CNTNAP2: variants seen among roughly 807,000 people sequenced by gnomAD.
The protein encoded by CNTNAP2 is contactin associated protein 2.
Under a neutral mutation model 155.2 loss-of-function variants are expected in CNTNAP2, and 98 were observed. The observed-to-expected ratio is 0.63, with a 90% CI of 0.54 to 0.75. The LOEUF (loss-of-function observed/expected upper bound fraction) is 0.75, where lower values mean the gene tolerates loss of function less well. Ranked by LOEUF, CNTNAP2 falls within the 30% of genes least tolerant of loss-of-function variation. The pLI is 0.00. For synonymous variants in CNTNAP2, 651 were observed against 631.2 expected (o/e 1.03, Z -0.47); for missense variants, 1,727 against 1,688.1 (o/e 1.02, Z -0.40).
intron 15 of CNTNAP2, among the ~76,000 whole-genome samples, chr7:148,085,535 C>A (rs948378095): frequency 2.0e-5 from 3 of 151,990 alleles, no homozygotes; most frequent in African/African-American, 7.3e-5. Context: ...TAAAAGAATA[C>A]CCGTGTTTTT....
chr7:148,064,157 G>A (rs190298133), intron 15 of CNTNAP2, among the ~76,000 whole-genome samples: 11 of 152,136 alleles, frequency 7.2e-5, no homozygotes, highest in Non-Finnish European at 1.0e-4. Flanking sequence ...TTGAAGTCAC[G>A]TAATGTAATG....
intron 4 of CNTNAP2, among the ~76,000 whole-genome samples, chr7:147,071,665 T>C (rs1799894682): frequency 1.3e-5 from 2 of 152,070 alleles, no homozygotes; most frequent in Non-Finnish European, 2.9e-5. Context: ...ATCTGTAAAA[T>C]GAGTAAGAGT....
At chr7:146,905,121 A>G (rs1322478938) in intron 3 of CNTNAP2, among the ~76,000 whole-genome samples, 1 of 152,066 alleles carries the variant, frequency 6.6e-6, no homozygotes, top group Non-Finnish European at 1.5e-5. Flanking sequence ...AGATACTAGT[A>G]ACAATGCCTA....
chr7:146,623,023 A>G (rs1799356938), intron 1 of CNTNAP2, among the ~76,000 whole-genome samples: 1 of 152,040 alleles, frequency 6.6e-6, no homozygotes, highest in African/African-American at 2.4e-5. Flanking sequence ...CATCAATTTA[A>G]TTACTTGTTA....
intron 21 of CNTNAP2, among the ~76,000 whole-genome samples, chr7:148,317,362 A>G (rs1285602395): frequency 6.6e-6 from 1 of 152,068 alleles, no homozygotes; most frequent in Non-Finnish European, 1.5e-5. Flanking sequence ...TCTCAAAAAA[A>G]AAAAATTCAT....
intron 14 of CNTNAP2, among the ~76,000 whole-genome samples, chr7:147,918,180 C>A (rs917310643): frequency 6.6e-6 from 1 of 152,190 alleles, no homozygotes; most frequent in Non-Finnish European, 1.5e-5. Flanking sequence ...TCTCAAATTA[C>A]AAGCTTCAGG....
intron 3 of CNTNAP2, among the ~76,000 whole-genome samples, chr7:146,929,835 A>G (rs1796706739): frequency 6.6e-6 from 1 of 152,242 alleles, no homozygotes; most frequent in Non-Finnish European, 1.5e-5. Context: ...AAGAAAGGGT[A>G]TCAGTGATGG....
intron 1 of CNTNAP2, among the ~76,000 whole-genome samples, chr7:146,749,855 G>A (rs1206360466): frequency 6.6e-6 from 1 of 152,154 alleles, no homozygotes; most frequent in Non-Finnish European, 1.5e-5. Flanking sequence ...GAGCCTTGGG[G>A]TTAGAACTTT....
chr7:147,542,313 A>AAG (rs1799655258), intron 11 of CNTNAP2, among the ~76,000 whole-genome samples: 1 of 150,432 alleles, frequency 6.6e-6, no homozygotes, highest in Non-Finnish European at 1.5e-5. Context: ...AAAAAAAAAA[A>AAG]GCTCCAAAAA....
Position 147,225,742 on chromosome 7 carries a change from A to G in CNTNAP2, c.1349-74399A>G, listed in dbSNP as rs1242234256. On this transcript the variant is annotated intron_variant, in intron 8 of 23. Transcript: ENST00000361727. Reference sequence around the variant, plus strand: ...CCAAGTACTTTAAGTTAGGAAGGAAAGAAGGAAGGAAGGAAGGAAGGAAGG... The same window carrying G: ...CCAAGTACTTTAAGTTAGGAAGGAAGGAAGGAAGGAAGGAAGGAAGGAAGG... Among the ~76,000 whole-genome samples the G allele has an allele frequency of 1.3e-4, 13 of 103,864 alleles. No individual in the cohort carries two copies. The South Asian group carries it at 2.4e-3, about 19-fold the overall frequency. 68.1% of individuals were successfully genotyped at this position (103,864 alleles called of 152,430 possible). A position where few individuals can be genotyped will look rare whatever the true frequency, so the allele number is the denominator to read the frequency against.
chr7:147,213,139 G>C (rs1803193835), intron 8 of CNTNAP2, among the ~76,000 whole-genome samples: 2 of 152,088 alleles, frequency 1.3e-5, no homozygotes, highest in Admixed American at 1.3e-4. Context: ...TGAAAAATGA[G>C]AAAAGCTATT....
intron 7 of CNTNAP2, among the ~76,000 whole-genome samples, chr7:147,131,877 T>C (rs765622701): frequency 2.0e-5 from 3 of 151,998 alleles, no homozygotes; most frequent in East Asian, 1.9e-4. Flanking sequence ...CCCTGACTTA[T>C]GTTCGGCCAG....
chr7:146,826,708 G>A (rs1288980410), intron 2 of CNTNAP2, among the ~76,000 whole-genome samples: 2 of 152,002 alleles, frequency 1.3e-5, no homozygotes, highest in African/African-American at 4.8e-5. Context: ...TCCTAGTGTG[G>A]TCCACTCTGA....
intron 9 of CNTNAP2, among the ~76,000 whole-genome samples, chr7:147,358,659 C>A (rs1329017876): frequency 6.6e-6 from 1 of 151,854 alleles, no homozygotes; most frequent in African/African-American, 2.4e-5. Context: ...AAAGTGACTA[C>A]CAAGCATTTT....
In CNTNAP2 at chr7:147,242,911, T is replaced by C. The variant is rs185884995; in HGVS notation, c.1349-57230T>C. 2.7e-3 allele frequency among the ~76,000 whole-genome samples: 407 copies of C among 152,042 alleles called. 1 individual carries two copies. The highest frequency in any genetic ancestry group is 9.2e-3 in the African/African-American group (381 of 41,458). On this transcript the variant is annotated intron_variant, in intron 8 of 23. Coordinates refer to ENST00000361727, the MANE Select transcript of CNTNAP2 (RefSeq NM_014141.6). ...TTGATCTTTTTTCAGGCTACCATTC[T>C]TATGTACTTTAACATGTTTTGATGA...
chr7:146,995,780 A>T (rs905474228), intron 3 of CNTNAP2, among the ~76,000 whole-genome samples: 1 of 152,030 alleles, frequency 6.6e-6, no homozygotes, highest in Admixed American at 6.6e-5. Context: ...ATGTGTAGTT[A>T]ACCAGATGTA....
At chr7:148,027,633 C>G (rs1180882591) in intron 15 of CNTNAP2, among the ~76,000 whole-genome samples, 1 of 152,112 alleles carries the variant, frequency 6.6e-6, no homozygotes, top group Non-Finnish European at 1.5e-5. Context: ...AGAATCTCAA[C>G]AGACACAAGA....
intron 10 of CNTNAP2, among the ~76,000 whole-genome samples, chr7:147,482,539 A>C (rs1798438829): frequency 6.6e-6 from 1 of 151,468 alleles, no homozygotes; most frequent in African/African-American, 2.4e-5. Context: ...TAACACAGTG[A>C]AACCCCGTCC....
At chr7:147,527,847 T>A (rs1799354638) in intron 11 of CNTNAP2, among the ~76,000 whole-genome samples, 1 of 152,152 alleles carries the variant, frequency 6.6e-6, no homozygotes, top group Non-Finnish European at 1.5e-5. Flanking sequence ...AGGAGAAGGA[T>A]TATTTGGGAG....
Sources: gnomAD v4.1 joint callset for allele counts (sites outside exome capture counted in the v4.1 genomes callset) on GRCh38, gnomAD v4.1.1 for gene constraint, MANE v1.5 for transcripts, NCBI Gene and HGNC (gene_info 2026-07-23, HGNC 2026-07-21) for gene names.